The following DCPH1 variants were observed in gnomAD, a reference collection of about 807,000 sequenced individuals.
DCPH1 encodes the protein damage control phosphatase 1, also known as damage-control phosphatase 1.
At chr6:151,452,513 A>C in the DCPH1 span, 4 of 1,610,506 alleles carry the variant, frequency 2.5e-6, no homozygotes, top group Middle Eastern at 1.7e-4. Flanking sequence ...GCGATTGAAC[A>C]GCCGAGCTTT....
the DCPH1 span, among the ~76,000 whole-genome samples, chr6:151,457,208 A>G: frequency 8.5e-4 from 130 of 152,164 alleles, 1 homozygote; most frequent in African/African-American, 2.9e-3. Context: ...CCCTTAGACT[A>G]CCTGGTTTGG....
At chr6:151,460,086 GT>G in the DCPH1 span, among the ~76,000 whole-genome samples, 1 of 151,758 alleles carries the variant, frequency 6.6e-6, no homozygotes, top group African/African-American at 2.4e-5. Context: ...TCTTGTTGTT[GT>G]TTGTTTGTTT....
chr6:151,468,148 G>A, the DCPH1 span, among the ~76,000 whole-genome samples: 3 of 152,166 alleles, frequency 2.0e-5, no homozygotes, highest in East Asian at 1.9e-4. Flanking sequence ...AAAAATTTCA[G>A]TTTTATCTTG....
chr6:151,458,353 C>T, the DCPH1 span: 1 of 1,612,014 alleles, frequency 6.2e-7, no homozygotes, highest in Non-Finnish European at 8.5e-7. Flanking sequence ...GAAAAGAAAG[C>T]TATCTCTCTC....
chr6:151,460,493 ACT>A, the DCPH1 span, among the ~76,000 whole-genome samples: 3 of 150,696 alleles, frequency 2.0e-5, no homozygotes, highest in African/African-American at 7.3e-5. Context: ...CACTATTAAA[ACT>A]CTGGTGCAGG....
chr6:151,469,807 T>C, the DCPH1 span: 1 of 152,454 alleles, frequency 6.6e-6, no homozygotes, highest in African/African-American at 2.4e-5. Flanking sequence ...TTATATTCTA[T>C]TTATGATATC....
At chr6:151,460,077 CTTG>C in the DCPH1 span, among the ~76,000 whole-genome samples, 26 of 151,722 alleles carry the variant, frequency 1.7e-4, no homozygotes, top group African/African-American at 4.3e-4. Flanking sequence ...TGTTGTTGTT[CTTG>C]TTGTTGTTTG....
the DCPH1 span, chr6:151,452,558 C>T: frequency 1.9e-6 from 3 of 1,611,704 alleles, no homozygotes; most frequent in Non-Finnish European, 1.7e-6. Context: ...GGCTGTCGTC[C>T]CGGCGTCTCT....
At chr6:151,469,355 CTT>C in the DCPH1 span, 8 of 378,478 alleles carry the variant, frequency 2.1e-5, no homozygotes, top group South Asian at 9.0e-5. Context: ...ATTTTAGCAA[CTT>C]TTTTTCAGGT....
chr6:151,462,869 T>C, the DCPH1 span, among the ~76,000 whole-genome samples: 1 of 152,226 alleles, frequency 6.6e-6, no homozygotes, highest in Non-Finnish European at 1.5e-5. Context: ...GGTTTGTTAA[T>C]AAAACATTAG....
chr6:151,452,529 C>T, the DCPH1 span: 11 of 1,611,078 alleles, frequency 6.8e-6, no homozygotes, highest in Admixed American at 3.4e-5. Context: ...GCTTTGCGGC[C>T]GGGATCGCGG....
At chr6:151,458,631 G>A in the DCPH1 span, 1 of 1,434,356 alleles carries the variant, frequency 7.0e-7, no homozygotes, top group Non-Finnish European at 9.5e-7. Context: ...TTCTGAAATT[G>A]TAAAAGGATA....
the DCPH1 span, chr6:151,468,509 A>G: frequency 6.8e-6 from 11 of 1,613,334 alleles, no homozygotes; most frequent in Non-Finnish European, 9.3e-6. Context: ...ACAAGAGAAA[A>G]AGCTTCTGCT....
At chr6:151,467,059 T>C in the DCPH1 span, among the ~76,000 whole-genome samples, 2 of 152,130 alleles carry the variant, frequency 1.3e-5, no homozygotes, top group Non-Finnish European at 2.9e-5. Flanking sequence ...GAGACCAGCC[T>C]GGCTAACATG....
the DCPH1 span, chr6:151,452,588 T>A: frequency 6.2e-7 from 1 of 1,605,736 alleles, no homozygotes; most frequent in Middle Eastern, 1.7e-4. Flanking sequence ...GGACGTGGGG[T>A]TAGTCTAGCT....
chr6:151,454,967 G>A, the DCPH1 span, among the ~76,000 whole-genome samples: 1 of 152,170 alleles, frequency 6.6e-6, no homozygotes, highest in Non-Finnish European at 1.5e-5. Context: ...CAATTGAGTT[G>A]CTTAGAAGAG....
chr6:151,456,753 C>G, the DCPH1 span, among the ~76,000 whole-genome samples: 2 of 152,210 alleles, frequency 1.3e-5, no homozygotes, highest in African/African-American at 4.8e-5. Flanking sequence ...TAGATTCCAG[C>G]AATTCTCCCA....
chr6:151,461,735 T>G, the DCPH1 span, among the ~76,000 whole-genome samples: 1 of 152,200 alleles, frequency 6.6e-6, no homozygotes, highest in Non-Finnish European at 1.5e-5. Flanking sequence ...TTAATTTATC[T>G]GGGGTGGGGC....
the DCPH1 span, among the ~76,000 whole-genome samples, chr6:151,457,420 C>T: frequency 1.6e-4 from 24 of 152,268 alleles, no homozygotes; most frequent in Admixed American, 4.6e-4. Flanking sequence ...CCTGTAAAAC[C>T]TCAGTTGTTG....
Sources: gnomAD v4.1 joint callset for allele counts (sites outside exome capture counted in the v4.1 genomes callset) on GRCh38, gnomAD v4.1.1 for gene constraint, MANE v1.5 for transcripts, NCBI Gene and HGNC (gene_info 2026-07-23, HGNC 2026-07-21) for gene names.